Variants in PRPSAP2 observed in about 807,000 individuals in gnomAD.
The protein encoded by PRPSAP2 is phosphoribosyl pyrophosphate synthase-associated protein 2.
PRPSAP2 carries 24 observed loss-of-function variants against 40.6 expected under a neutral mutation model. The observed-to-expected ratio is 0.59, with a 90% CI of 0.43 to 0.83. The LOEUF (loss-of-function observed/expected upper bound fraction) is 0.83, where lower values mean the gene tolerates loss of function less well. PRPSAP2 is among the 40% of genes least tolerant of loss of function. The pLI, the probability that PRPSAP2 is intolerant of heterozygous loss-of-function variation, is 0.00. For missense variants in PRPSAP2, 292 were observed against 465.6 expected, an observed-to-expected ratio of 0.63 and a Z score of 3.43; for synonymous variants, 149 against 164.7, an observed-to-expected ratio of 0.90 and a Z score of 0.73.
At chr17:18,924,566 C>T (rs887564852) in intron 10 of PRPSAP2, among the ~76,000 whole-genome samples, 4 of 148,696 alleles carry the variant, frequency 2.7e-5, no homozygotes, top group Non-Finnish European at 4.5e-5. Flanking sequence ...CTCAGGAGTT[C>T]AAGACCAGCT....
chr17:18,930,536 A>T lies in PRPSAP2; in HGVS notation c.952-4A>T, dbSNP rs1182438876. 3.7e-6 allele frequency: 6 copies of T among 1,609,068 alleles called. No individual in the cohort carries two copies. In the Admixed American group the frequency reaches 1.0e-4, roughly 27 times the overall value. ...GCTGTGGTTTTTTTTCTTTTGCTTC[A>T]CAGGTGGTGGTCACCAATACAATTC... On this transcript the variant is annotated splice_polypyrimidine_tract_variant and splice_region_variant and intron_variant, in intron 11 of 11. Coordinates refer to ENST00000268835, the MANE Select transcript of PRPSAP2 (RefSeq NM_002767.4).
At chr17:18,878,372 C>T (rs1398791046) in intron 6 of PRPSAP2, among the ~76,000 whole-genome samples, 3 of 152,106 alleles carry the variant, frequency 2.0e-5, no homozygotes, top group Admixed American at 6.5e-5. Flanking sequence ...CATATACCAC[C>T]GTGCCTGCCT....
intron 4 of PRPSAP2, among the ~76,000 whole-genome samples, chr17:18,868,239 C>T (rs546990274): frequency 3.9e-5 from 6 of 152,042 alleles, no homozygotes; most frequent in South Asian, 2.1e-4. Flanking sequence ...TTTGGGAGGC[C>T]GAGGTGGGCG....
intron 10 of PRPSAP2, among the ~76,000 whole-genome samples, chr17:18,926,271 C>T (rs527652957): frequency 1.3e-3 from 114 of 89,922 alleles, no homozygotes; most frequent in African/African-American, 4.6e-3. Context: ...TTATTTATTT[C>T]TATTTTTTTT....
At chr17:18,901,675 C>T (rs994505520) in intron 8 of PRPSAP2, among the ~76,000 whole-genome samples, 2 of 152,270 alleles carry the variant, frequency 1.3e-5, no homozygotes, top group Non-Finnish European at 2.9e-5. Context: ...TGCGCCTGGC[C>T]AGAGTCTTCT....
chr17:18,877,900 T>TG, intron 6 of PRPSAP2, 30 bp downstream of exon 6: 1 of 1,553,098 alleles, frequency 6.4e-7, no homozygotes, highest in African/African-American at 1.4e-5. Context: ...CACAATTAAT[T>TG]GGGGGCCTGG....
At chr17:18,906,826 C>G (rs1403383683) in intron 8 of PRPSAP2, among the ~76,000 whole-genome samples, 1 of 152,112 alleles carries the variant, frequency 6.6e-6, no homozygotes, top group Admixed American at 6.6e-5. Context: ...GGATTACAGG[C>G]GTGAGCTGCC....
chr17:18,895,771 G>A (rs1597648941), intron 8 of PRPSAP2, among the ~76,000 whole-genome samples: 1 of 152,004 alleles, frequency 6.6e-6, no homozygotes, highest in Non-Finnish European at 1.5e-5. Flanking sequence ...GATTACAGGT[G>A]TGTGCCACCA....
rs1301701776 is a variant in PRPSAP2, at chr17:18,911,482, T to C, written c.733+231T>C. The stretch of plus-strand genomic sequence containing the variant: ...AGACCTGTGAAAATGTTTGGACTAT[T>C]GAGACAGTTGCAATGCTTCAGGGAA... On this transcript the variant is annotated intron_variant, in intron 9 of 11. Coordinates refer to ENST00000268835, the MANE Select transcript of PRPSAP2 (RefSeq NM_002767.4). This position sits in a 1 kb window ranked among gnomAD's most constrained non-coding sequence, Gnocchi z 4.5. Among the ~76,000 whole-genome samples, 2 of 152,226 alleles carry C rather than the reference T, an allele frequency of 1.3e-5. No homozygotes were observed. Among genetic ancestry groups the C allele is most frequent in the Admixed American group, 1.3e-4 (2 of 15,262 alleles).
chr17:18,894,734 C>G (rs148583635), intron 8 of PRPSAP2, among the ~76,000 whole-genome samples: 253 of 152,290 alleles, frequency 1.7e-3, no homozygotes, highest in African/African-American at 5.9e-3. Flanking sequence ...CCACCCACCT[C>G]AGTCTCCCAA....
At chr17:18,928,461 A>G in intron 10 of PRPSAP2, 1 of 290,380 alleles carries the variant, frequency 3.4e-6, no homozygotes, top group Non-Finnish European at 6.8e-6. Context: ...TGCATTAAAA[A>G]CAAAAAAAGA....
chr17:18,884,099 C>T (rs921977829), intron 7 of PRPSAP2, among the ~76,000 whole-genome samples: 15 of 151,940 alleles, frequency 9.9e-5, no homozygotes, highest in Middle Eastern at 3.2e-3. Flanking sequence ...GAAACCCCAT[C>T]TCTACTAAAA....
chr17:18,882,803 A>AATGG, intron 7 of PRPSAP2, 120 bp downstream of exon 7: 1 of 665,068 alleles, frequency 1.5e-6, no homozygotes, highest in Non-Finnish European at 2.6e-6. Flanking sequence ...AAGTACCATT[A>AATGG]TACTTTATAG....
chr17:18,887,307 ATGGGTTCAAACAATTCTCC>A (rs1481161760), intron 7 of PRPSAP2, among the ~76,000 whole-genome samples: 3 of 151,864 alleles, frequency 2.0e-5, no homozygotes, highest in Admixed American at 1.3e-4. Context: ...GACATTTTAA[ATGGGTTCAAACAATTCTCC>A]TGGGTTCAAA....
At chr17:18,879,627 T>G (rs910364623) in intron 6 of PRPSAP2, among the ~76,000 whole-genome samples, 12 of 151,968 alleles carry the variant, frequency 7.9e-5, no homozygotes, top group African/African-American at 2.9e-4. Flanking sequence ...CTAATTTTTG[T>G]ATTTTTAGTA....
Position 18,862,791 on chromosome 17 carries a change from TTTTATTTA to T in PRPSAP2, c.-128-2642_-128-2635del, listed in dbSNP as rs199576423. 4.5e-3 allele frequency among the ~76,000 whole-genome samples: 673 copies of T among 149,300 alleles called. 4 individuals are homozygous for T. The highest frequency in any genetic ancestry group is 0.014 in the African/African-American group (565 of 40,144). Reference sequence around the variant, plus strand: ...TTATTTTCCTGGACCTGTAACACCCTTTTATTTATTTATTTATTTATTTATTTATTTAT... The same window carrying T: ...TTATTTTCCTGGACCTGTAACACCCTTTTATTTATTTATTTATTTATTTAT... On this transcript the variant is annotated intron_variant, in intron 1 of 11. Transcript: ENST00000268835.
chr17:18,878,536 A>G (rs1197643556), intron 6 of PRPSAP2, among the ~76,000 whole-genome samples: 1 of 152,062 alleles, frequency 6.6e-6, no homozygotes, highest in Non-Finnish European at 1.5e-5. Flanking sequence ...GCGCGCTTGT[A>G]TAAGTGTATA....
chr17:18,862,814 T>C (rs2037128827), intron 1 of PRPSAP2, among the ~76,000 whole-genome samples: 1 of 151,502 alleles, frequency 6.6e-6, no homozygotes, highest in African/African-American at 2.4e-5. Context: ...TTTATTTATT[T>C]ATTTATTTAT....
At chr17:18,868,720 A>G (rs2037612443) in intron 4 of PRPSAP2, among the ~76,000 whole-genome samples, 2 of 111,884 alleles carry the variant, frequency 1.8e-5, no homozygotes, top group East Asian at 2.8e-4. Flanking sequence ...GATTTAAAAA[A>G]ACATTTTTTT....
Sources: allele counts gnomAD v4.1 joint callset (sites outside exome capture counted in the v4.1 genomes callset), GRCh38; gene constraint gnomAD v4.1.1; non-coding constraint Gnocchi (gnomAD v3.1); transcripts MANE v1.5; gene names NCBI Gene and HGNC (gene_info 2026-07-23, HGNC 2026-07-21).